The following SLX9 variants were observed in gnomAD, a reference collection of about 807,000 sequenced individuals.
SLX9 encodes SLX9 ribosome biogenesis factor, also known as ribosome biogenesis protein SLX9 homolog.
SLX9 carries 19 observed loss-of-function variants against 20.8 expected under a neutral mutation model. The observed-to-expected ratio is 0.91, with a 90% confidence interval of 0.64 to 1.34. SLX9 has a LOEUF of 1.34. Among genes scored for constraint, SLX9 ranks in the 40% most tolerant of loss-of-function variants. The pLI, the probability that SLX9 is intolerant of heterozygous loss-of-function variation, is 0.00. For missense variants in SLX9, 299 were observed against 322.2 expected (o/e 0.93, Z 0.55); for synonymous variants, 113 against 137.1 (o/e 0.82, Z 1.23).
At chr21:44,976,600 G>T in intron 5 of SLX9, 80 bp from the exon 6 acceptor site, 1 of 1,523,552 alleles carries the variant, frequency 6.6e-7, no homozygotes, top group Admixed American at 2.0e-5. Context: ...ATTCATTTCG[G>T]TGTCTGACGT....
At chr21:44,941,474 T>G (rs73906954) in intron 1 of SLX9, among the ~76,000 whole-genome samples, 3,150 of 151,960 alleles carry the variant, frequency 0.021, 127 homozygotes, top group African/African-American at 0.073. Flanking sequence ...TTTCTTCCTG[T>G]TTTTCTCTTT....
intron 4 of SLX9, 89 bp from the exon 5 acceptor site, chr21:44,973,108 C>A: frequency 6.8e-7 from 1 of 1,463,110 alleles, no homozygotes; most frequent in Non-Finnish European, 9.5e-7. Context: ...ACGACGTCTG[C>A]TCTAAGAAGG....
upstream of SLX9, chr21:44,939,720 A>T (rs1428545721): frequency 2.1e-6 from 1 of 481,692 alleles, no homozygotes; most frequent in East Asian, 5.9e-5. Flanking sequence ...ATAGAATTTT[A>T]AAAAGGCCAT....
At chr21:44,953,309 C>T (rs894802795) in intron 2 of SLX9, among the ~76,000 whole-genome samples, 20 of 152,180 alleles carry the variant, frequency 1.3e-4, no homozygotes, top group Admixed American at 5.9e-4. Flanking sequence ...GTAGGCAGGT[C>T]GTGGAGGCTG....
chr21:44,967,682 C>T (rs1011041366), intron 4 of SLX9, among the ~76,000 whole-genome samples: 1 of 152,228 alleles, frequency 6.6e-6, no homozygotes, highest in Non-Finnish European at 1.5e-5. Flanking sequence ...GCCCCTCACT[C>T]TGTCGCACAG....
intron 2 of SLX9, among the ~76,000 whole-genome samples, chr21:44,950,087 G>A (rs190227070): frequency 9.9e-5 from 15 of 151,194 alleles, no homozygotes; most frequent in South Asian, 6.2e-4. Flanking sequence ...GGGTTACAGG[G>A]TTGTCTTCAG....
At chr21:44,960,203 G>T (rs752165572) in intron 3 of SLX9, 35 bp downstream of exon 3, 5 of 1,601,810 alleles carry the variant, frequency 3.1e-6, no homozygotes, top group East Asian at 2.2e-5. Context: ...GCAGCTGCCG[G>T]CCCAAGTCCC....
intron 3 of SLX9, among the ~76,000 whole-genome samples, chr21:44,963,557 G>T (rs578244355): frequency 6.5e-4 from 96 of 148,414 alleles, no homozygotes; most frequent in South Asian, 1.1e-3. Flanking sequence ...TTTCATATTG[G>T]TTTTTTTTTT....
chr21:44,949,125 G>A (rs12482063), intron 2 of SLX9, among the ~76,000 whole-genome samples: 17,415 of 152,246 alleles, frequency 0.11, 1,292 homozygotes, highest in Non-Finnish European at 0.16. Flanking sequence ...CCAGGCAGCA[G>A]GAGCAGGCAT....
intron 2 of SLX9, among the ~76,000 whole-genome samples, chr21:44,948,084 T>A (rs1189112461): frequency 6.6e-6 from 1 of 152,340 alleles, no homozygotes; most frequent in East Asian, 1.9e-4. Flanking sequence ...GCCGGCCGGG[T>A]GTCCAGTGGT....
chr21:44,974,601 T>C (rs1306463745), intron 5 of SLX9, among the ~76,000 whole-genome samples: 1 of 152,238 alleles, frequency 6.6e-6, no homozygotes, highest in African/African-American at 2.4e-5. Context: ...TTCCTTGCTC[T>C]GTGGCCCAGG....
At chr21:44,970,741 C>T (rs1352495985) in intron 4 of SLX9, among the ~76,000 whole-genome samples, 3 of 152,214 alleles carry the variant, frequency 2.0e-5, no homozygotes, top group African/African-American at 4.8e-5. Flanking sequence ...GCCTCTCCCT[C>T]CCAGCCTGGA....
rs371932148 is a variant in SLX9 at position 44,943,814 on chromosome 21, G to A, written c.260G>A (p.Arg87Gln). 116 of 1,612,804 alleles carry A rather than the reference G, an allele frequency of 7.2e-5. No individual in the cohort carries two copies. Among genetic ancestry groups the A allele is most frequent in the Non-Finnish European group, 9.0e-5 (106 of 1,179,934 alleles). The change falls in exon 2 of 6, where the codon CGG becomes CAG. Residue 87 changes from arginine (R) to glutamine (Q), a missense_variant. Coordinates refer to ENST00000291634, the MANE Select transcript of SLX9 (RefSeq NM_058190.4). ...AGAGGTGAGGCAGGCTCGAGTGCAC[G>A]GAGCGTCCCTTCCATCAGGAGAGGT... The part of the protein sequence containing the change: ...VRRGEAGSSA[R>Q]SVPSIRRGAE...
intron 4 of SLX9, among the ~76,000 whole-genome samples, chr21:44,968,491 G>A (rs1231260385): frequency 6.6e-6 from 1 of 152,246 alleles, no homozygotes; most frequent in African/African-American, 2.4e-5. Flanking sequence ...GCAGCCTGCT[G>A]ATAAGCTGCT....
chr21:44,956,501 G>A (rs554017357), intron 2 of SLX9, among the ~76,000 whole-genome samples: 9 of 152,202 alleles, frequency 5.9e-5, no homozygotes, highest in Non-Finnish European at 1.0e-4. Flanking sequence ...GGCATGTGCC[G>A]CTTCAGCTGG....
chr21:44,940,395 C>CG (rs1261953682), intron 1 of SLX9, among the ~76,000 whole-genome samples: 2 of 152,238 alleles, frequency 1.3e-5, no homozygotes, highest in Admixed American at 6.5e-5. Context: ...CACACGGACT[C>CG]GCGCCGCTCC....
At chr21:44,946,203 A>C (rs138961647) in intron 2 of SLX9, among the ~76,000 whole-genome samples, 1 of 152,270 alleles carries the variant, frequency 6.6e-6, no homozygotes, top group Non-Finnish European at 1.5e-5. Context: ...AAGTTGAAAA[A>C]ATTTGAAGAT....
At chr21:44,972,931 A>G in intron 4 of SLX9, 2 of 36,244 alleles carry the variant, frequency 5.5e-5, no homozygotes, top group South Asian at 4.6e-4. Context: ...TTCCACACGG[A>G]GCAGCTTGGG....
At chr21:44,973,743 C>T (rs1201095032) in intron 5 of SLX9, among the ~76,000 whole-genome samples, 1 of 151,956 alleles carries the variant, frequency 6.6e-6, no homozygotes, top group East Asian at 1.9e-4. Flanking sequence ...CCAGCCTGCC[C>T]TCCCAGGGGT....
Sources: gnomAD v4.1 joint callset for allele counts (sites outside exome capture counted in the v4.1 genomes callset) on GRCh38, gnomAD v4.1.1 for gene constraint, MANE v1.5 for transcripts, NCBI Gene and HGNC (gene_info 2026-07-23, HGNC 2026-07-21) for gene names.